The following KIAA1217 variants were observed in gnomAD, a reference collection of about 807,000 sequenced individuals.
The protein encoded by KIAA1217 is KIAA1217, also known as sickle tail protein homolog.
Under a neutral mutation model 163.9 loss-of-function variants are expected in KIAA1217, and 88 were observed. The observed-to-expected ratio is 0.54, with a 90% confidence interval of 0.45 to 0.64. KIAA1217 has a LOEUF of 0.64. KIAA1217 is among the 30% of genes least tolerant of loss of function. The probability of loss-of-function intolerance (pLI) is 0.00; values close to 1 mark genes in which losing one functional copy is unlikely to be tolerated. For synonymous variants in KIAA1217, 903 were observed against 923.1 expected (o/e 0.98, Z 0.39); for missense variants, 2,372 against 2,475.0 (o/e 0.96, Z 0.88).
At chr10:24,339,587 C>CTCTA (rs1184948512) in intron 2 of KIAA1217, among the ~76,000 whole-genome samples, 1 of 152,200 alleles carries the variant, frequency 6.6e-6, no homozygotes, top group Non-Finnish European at 1.5e-5. Context: ...GAGCCAGGAA[C>CTCTA]TAGAGCAGGT....
chr10:23,997,613 G>A (rs1293058101), intron 1 of KIAA1217, among the ~76,000 whole-genome samples: 2 of 152,206 alleles, frequency 1.3e-5, no homozygotes, highest in Non-Finnish European at 2.9e-5. Flanking sequence ...TCTCTACCAT[G>A]AGAAGTCATT....
At chr10:24,027,802 C>A (rs189505693) in intron 2 of KIAA1217, among the ~76,000 whole-genome samples, 1 of 151,918 alleles carries the variant, frequency 6.6e-6, no homozygotes, top group African/African-American at 2.4e-5. Flanking sequence ...TAAGAATTCC[C>A]GGGAAACTCC....
chr10:24,117,464 GC>G (rs1308417395), intron 2 of KIAA1217, among the ~76,000 whole-genome samples: 1 of 151,886 alleles, frequency 6.6e-6, no homozygotes, highest in African/African-American at 2.4e-5. Flanking sequence ...ACATGGTGAT[GC>G]CCCATCTCTA....
intron 1 of KIAA1217, among the ~76,000 whole-genome samples, chr10:23,783,976 T>C (rs1835372730): frequency 2.0e-5 from 3 of 151,980 alleles, no homozygotes; most frequent in African/African-American, 7.3e-5. Flanking sequence ...GTTTTGTCGA[T>C]TTTATTTATT....
intron 2 of KIAA1217, among the ~76,000 whole-genome samples, chr10:24,276,313 G>C (rs889908575): frequency 1.3e-5 from 2 of 152,162 alleles, no homozygotes; most frequent in African/African-American, 4.8e-5. Context: ...TTTGAAAAAT[G>C]AAAGTCTTTT....
At chr10:24,340,416 C>T (rs74710281) in intron 2 of KIAA1217, among the ~76,000 whole-genome samples, 15,383 of 152,198 alleles carry the variant, frequency 0.1, 2,190 homozygotes, top group African/African-American at 0.32. Flanking sequence ...CCTGCTGCCA[C>T]GTAAGCCATG....
chr10:24,432,155 A>G (rs1236764547), intron 3 of KIAA1217, among the ~76,000 whole-genome samples: 1 of 123,818 alleles, frequency 8.1e-6, no homozygotes. Flanking sequence ...ATGGAGTCTT[A>G]CTCTATCGCC....
At chr10:24,172,712 A>G (rs894707732) in intron 2 of KIAA1217, among the ~76,000 whole-genome samples, 8 of 152,202 alleles carry the variant, frequency 5.3e-5, no homozygotes, top group African/African-American at 1.9e-4. Context: ...GACACAGTTG[A>G]CCAGAGACAT....
chr10:23,884,670 T>G (rs114545241), intron 1 of KIAA1217, among the ~76,000 whole-genome samples: 7 of 152,094 alleles, frequency 4.6e-5, no homozygotes, highest in African/African-American at 1.7e-4. Flanking sequence ...AGAATGAAAT[T>G]CAGGCACTAT....
intron 2 of KIAA1217, among the ~76,000 whole-genome samples, chr10:24,297,594 A>G (rs1284236319): frequency 2.0e-5 from 3 of 152,124 alleles, no homozygotes; most frequent in Non-Finnish European, 4.4e-5. Context: ...CATCTCTACT[A>G]AAAATATAAA....
intron 2 of KIAA1217, among the ~76,000 whole-genome samples, chr10:24,272,595 A>G (rs963391779): frequency 6.6e-6 from 1 of 152,228 alleles, no homozygotes; most frequent in Non-Finnish European, 1.5e-5. Context: ...CTCAATGTAC[A>G]TAACTCGAAT....
chr10:24,265,781 G>A (rs1020688699), intron 2 of KIAA1217, among the ~76,000 whole-genome samples: 4 of 152,138 alleles, frequency 2.6e-5, no homozygotes, highest in African/African-American at 9.7e-5. Flanking sequence ...ATTAAAGTTT[G>A]GAGGGAATAA....
At chr10:23,905,584 C>T (rs1042410316) in intron 1 of KIAA1217, among the ~76,000 whole-genome samples, 4 of 152,054 alleles carry the variant, frequency 2.6e-5, no homozygotes, top group African/African-American at 7.2e-5. Flanking sequence ...TACATTGCCT[C>T]TGAAAGATGC....
chr10:23,898,200 T>G (rs557005273), intron 1 of KIAA1217, among the ~76,000 whole-genome samples: 3 of 151,974 alleles, frequency 2.0e-5, no homozygotes, highest in Non-Finnish European at 2.9e-5. Flanking sequence ...CTTTCTAACC[T>G]GGAACTCAGT....
chr10:23,987,000 A>T (rs1292988481), intron 1 of KIAA1217, among the ~76,000 whole-genome samples: 6 of 152,192 alleles, frequency 3.9e-5, no homozygotes, highest in African/African-American at 1.2e-4. Context: ...AAGAATACTT[A>T]AAAGTTCTTT....
At chr10:23,982,528 T>TC (rs1845810027) in intron 1 of KIAA1217, among the ~76,000 whole-genome samples, 1 of 139,324 alleles carries the variant, frequency 7.2e-6, no homozygotes, top group South Asian at 2.4e-4. Flanking sequence ...CTGTTTTTTG[T>TC]TTCTCTCTCT....
At chr10:24,505,093 T>G (rs916490571) in intron 9 of KIAA1217, among the ~76,000 whole-genome samples, 1 of 151,990 alleles carries the variant, frequency 6.6e-6, no homozygotes. Context: ...TCTAGAACAT[T>G]CCAGGGTAAA....
At chr10:24,168,919 T>C (rs955194941) in intron 2 of KIAA1217, among the ~76,000 whole-genome samples, 3 of 152,220 alleles carry the variant, frequency 2.0e-5, no homozygotes, top group East Asian at 3.9e-4. Context: ...GAAGGTGTGC[T>C]TAAGTTCACT....
chr10:24,232,074 C>T (rs558033025), intron 2 of KIAA1217, among the ~76,000 whole-genome samples: 3 of 152,286 alleles, frequency 2.0e-5, no homozygotes, highest in Admixed American at 6.5e-5. Context: ...GGATTACAGG[C>T]GTGAGCCACT....
Sources: gnomAD v4.1 joint callset for allele counts (sites outside exome capture counted in the v4.1 genomes callset) on GRCh38, gnomAD v4.1.1 for gene constraint, MANE v1.5 for transcripts, NCBI Gene and HGNC (gene_info 2026-07-23, HGNC 2026-07-21) for gene names.